The following CACNA2D3 variants were observed in gnomAD, a reference collection of about 807,000 sequenced individuals.
The protein encoded by CACNA2D3 is calcium voltage-gated channel auxiliary subunit alpha2delta 3.
In CACNA2D3, 60 loss-of-function variants were observed where a neutral mutation model predicts 160.6. The ratio of observed to expected loss-of-function variants is 0.37; its 90% CI spans 0.30 to 0.46. The LOEUF (loss-of-function observed/expected upper bound fraction) is 0.46. CACNA2D3 is among the 20% of genes least tolerant of loss of function. CACNA2D3 has a pLI of 1.00. For synonymous variants in CACNA2D3, 558 were observed against 492.9 expected, an observed-to-expected ratio of 1.13 and a Z score of -1.75; for missense variants, 1,205 against 1,365.0, an observed-to-expected ratio of 0.88 and a Z score of 1.85.
intron 9 of CACNA2D3, among the ~76,000 whole-genome samples, chr3:54,592,211 T>A (rs997857176): frequency 6.6e-6 from 1 of 152,086 alleles, no homozygotes; most frequent in African/African-American, 2.4e-5. Context: ...GTCGAAGAGG[T>A]AGTGAGAGGA....
chr3:54,485,012 A>G (rs559547280), intron 4 of CACNA2D3, among the ~76,000 whole-genome samples: 4 of 152,128 alleles, frequency 2.6e-5, no homozygotes, highest in African/African-American at 9.6e-5. Flanking sequence ...ACGCCTAGCT[A>G]ATTTTTGTAA....
At chr3:54,561,454 T>G (rs1446472611) in intron 5 of CACNA2D3, among the ~76,000 whole-genome samples, 1 of 152,228 alleles carries the variant, frequency 6.6e-6, no homozygotes, top group East Asian at 1.9e-4. Context: ...TGAAATCGTT[T>G]ATGAGCTTAA....
chr3:54,655,787 T>A (rs1156945077), intron 11 of CACNA2D3, among the ~76,000 whole-genome samples: 1 of 152,230 alleles, frequency 6.6e-6, no homozygotes, highest in Non-Finnish European at 1.5e-5. Flanking sequence ...AGAGCCTGTC[T>A]GTATTAGTGA....
At chr3:54,282,646 A>G (rs1006460720) in intron 2 of CACNA2D3, among the ~76,000 whole-genome samples, 3 of 152,224 alleles carry the variant, frequency 2.0e-5, no homozygotes, top group Non-Finnish European at 2.9e-5. Context: ...TCACCAGGCT[A>G]TGTGCTGGGC....
intron 13 of CACNA2D3, among the ~76,000 whole-genome samples, chr3:54,777,701 C>G (rs1702449759): frequency 6.6e-6 from 1 of 152,136 alleles, no homozygotes; most frequent in Non-Finnish European, 1.5e-5. Flanking sequence ...TTCTCTGTCA[C>G]TTAGCCAGCT....
At chr3:55,015,624 G>C (rs1416460499) in intron 34 of CACNA2D3, among the ~76,000 whole-genome samples, 2 of 152,130 alleles carry the variant, frequency 1.3e-5, no homozygotes, top group Non-Finnish European at 2.9e-5. Flanking sequence ...TGAAAAGAAA[G>C]TTTTATAAAC....
At chr3:54,447,483 T>A (rs1249944502) in intron 4 of CACNA2D3, among the ~76,000 whole-genome samples, 2 of 152,230 alleles carry the variant, frequency 1.3e-5, no homozygotes. Flanking sequence ...AAATGTTGTA[T>A]ACACAGGGCT....
At chr3:54,849,423 G>A (rs765053285) in intron 17 of CACNA2D3, among the ~76,000 whole-genome samples, 2 of 152,074 alleles carry the variant, frequency 1.3e-5, no homozygotes, top group South Asian at 2.1e-4. Flanking sequence ...CACAGAGCAG[G>A]GACTCAGTAG....
chr3:54,303,092 C>G (rs1329676556), intron 2 of CACNA2D3, among the ~76,000 whole-genome samples: 1 of 152,084 alleles, frequency 6.6e-6, no homozygotes, highest in South Asian at 2.1e-4. Context: ...TTTTGTTAGA[C>G]TCACAGGACT....
intron 3 of CACNA2D3, among the ~76,000 whole-genome samples, chr3:54,323,813 T>A (rs1382036651): frequency 1.3e-5 from 2 of 152,024 alleles, no homozygotes; most frequent in African/African-American, 4.8e-5. Context: ...AGATTTTAGG[T>A]TTGGCCCTAT....
chr3:54,669,281 A>G (rs1700119060), intron 11 of CACNA2D3, among the ~76,000 whole-genome samples: 1 of 152,150 alleles, frequency 6.6e-6, no homozygotes, highest in Admixed American at 6.5e-5. Context: ...GGCCATGTCC[A>G]TTTCTGTTGG....
intron 4 of CACNA2D3, among the ~76,000 whole-genome samples, chr3:54,478,076 A>G (rs1700861400): frequency 6.6e-6 from 1 of 152,186 alleles, no homozygotes; most frequent in South Asian, 2.1e-4. Flanking sequence ...CTAGAATGCC[A>G]CTACTTATTT....
intron 14 of CACNA2D3, among the ~76,000 whole-genome samples, chr3:54,825,824 C>G (rs781748514): frequency 2.8e-4 from 43 of 152,046 alleles, no homozygotes; most frequent in Non-Finnish European, 5.7e-4. Flanking sequence ...TAAATGAAGT[C>G]TATATCAAAT....
intron 4 of CACNA2D3, among the ~76,000 whole-genome samples, chr3:54,429,371 AT>A (rs1210431194): frequency 6.6e-6 from 1 of 151,812 alleles, no homozygotes; most frequent in Non-Finnish European, 1.5e-5. Flanking sequence ...TTTCCTTTCC[AT>A]TTCTTTTCTC....
At chr3:54,885,222 C>T in intron 21 of CACNA2D3, 59 bp from the exon 22 acceptor site, 1 of 1,576,578 alleles carries the variant, frequency 6.3e-7, no homozygotes, top group Non-Finnish European at 8.7e-7. Flanking sequence ...ATATTTGAAG[C>T]ACACAGGAGG....
At chr3:54,273,712 C>A (rs534980516) in intron 2 of CACNA2D3, among the ~76,000 whole-genome samples, 1 of 152,292 alleles carries the variant, frequency 6.6e-6, no homozygotes, top group African/African-American at 2.4e-5. Flanking sequence ...CATCTGGCGA[C>A]CGTTCTCGGA....
chr3:54,605,210 C>G (rs1000619081), intron 9 of CACNA2D3, among the ~76,000 whole-genome samples: 3 of 152,192 alleles, frequency 2.0e-5, no homozygotes, highest in Non-Finnish European at 4.4e-5. Context: ...TCCAGTGTGA[C>G]TTCATCTTAA....
At chr3:54,606,503 G>A (rs562636288) in intron 9 of CACNA2D3, among the ~76,000 whole-genome samples, 1 of 152,274 alleles carries the variant, frequency 6.6e-6, no homozygotes, top group African/African-American at 2.4e-5. Flanking sequence ...CAGGTGACAG[G>A]ACTTGCTGGC....
intron 13 of CACNA2D3, among the ~76,000 whole-genome samples, chr3:54,808,678 A>T (rs560472956): frequency 6.6e-6 from 1 of 152,246 alleles, no homozygotes; most frequent in South Asian, 2.1e-4. Context: ...ATAAAGAGAT[A>T]AGTGTTCTGG....
Sources: gnomAD v4.1 joint callset for allele counts (sites outside exome capture counted in the v4.1 genomes callset) on GRCh38, gnomAD v4.1.1 for gene constraint, MANE v1.5 for transcripts, NCBI Gene and HGNC (gene_info 2026-07-23, HGNC 2026-07-21) for gene names.